SUSD4: variants seen among roughly 807,000 people sequenced by gnomAD.
The protein encoded by SUSD4 is sushi domain-containing protein 4.
Under a neutral mutation model 50.5 loss-of-function variants are expected in SUSD4, and 41 were observed. That is an observed-to-expected ratio of 0.81 (90% confidence interval 0.63 to 1.05). The LOEUF (loss-of-function observed/expected upper bound fraction) is 1.05. Among genes scored for constraint, SUSD4 ranks in the 50% least tolerant of loss-of-function variants. SUSD4 has a pLI of 0.00. For missense variants in SUSD4, 580 were observed against 634.7 expected (o/e 0.91, Z 0.93); for synonymous variants, 257 against 257.3 (o/e 1.00, Z 0.01).
chr1:223,304,793 CATATAT>C (rs57599818), intron 2 of SUSD4, among the ~76,000 whole-genome samples: 6 of 53,584 alleles, frequency 1.1e-4, no homozygotes, highest in East Asian at 5.3e-4. Context: ...CTCAGGTTTC[CATATAT>C]ATATATATAT....
intron 3 of SUSD4, among the ~76,000 whole-genome samples, chr1:223,270,335 G>C (rs1383512698): frequency 6.6e-6 from 1 of 152,122 alleles, no homozygotes; most frequent in Non-Finnish European, 1.5e-5. Flanking sequence ...CACACCTGGC[G>C]AAAGAGTGCC....
At chr1:223,328,340 G>T (rs1375121448) in intron 2 of SUSD4, among the ~76,000 whole-genome samples, 1 of 152,082 alleles carries the variant, frequency 6.6e-6, no homozygotes, top group Non-Finnish European at 1.5e-5. Context: ...CTTGCTTAAG[G>T]TCTCACAGTA....
chr1:223,241,622 T>C (rs1660590436), intron 5 of SUSD4, among the ~76,000 whole-genome samples: 1 of 152,220 alleles, frequency 6.6e-6, no homozygotes, highest in Admixed American at 6.5e-5. Flanking sequence ...GACAGATTGG[T>C]GACTTCCGAA....
chr1:223,292,944 A>T (rs1664593201), intron 2 of SUSD4, among the ~76,000 whole-genome samples: 1 of 152,198 alleles, frequency 6.6e-6, no homozygotes, highest in South Asian at 2.1e-4. Flanking sequence ...GTGCCACAAA[A>T]GATGTACAAA....
chr1:223,264,406 T>TA, intron 5 of SUSD4: 1 of 1,257,984 alleles, frequency 7.9e-7, no homozygotes, highest in African/African-American at 1.5e-5. Context: ...CTTTTTCTTT[T>TA]ATCTGCTCTC....
chr1:223,313,868 A>G (rs1020243595), intron 2 of SUSD4, among the ~76,000 whole-genome samples: 2 of 152,198 alleles, frequency 1.3e-5, no homozygotes, highest in East Asian at 3.8e-4. Context: ...TACAAATGCC[A>G]TGGCAACATC....
At chr1:223,252,670 T>A (rs1251167340) in intron 5 of SUSD4, among the ~76,000 whole-genome samples, 2 of 152,152 alleles carry the variant, frequency 1.3e-5, no homozygotes, top group Non-Finnish European at 2.9e-5. Flanking sequence ...TTACTTGTGA[T>A]AGCTTGAACT....
chr1:223,317,090 G>A (rs1381741047), intron 2 of SUSD4, among the ~76,000 whole-genome samples: 1 of 152,180 alleles, frequency 6.6e-6, no homozygotes, highest in Non-Finnish European at 1.5e-5. Context: ...TTCCCAGATG[G>A]TTAAGGCATT....
chr1:223,314,811 C>T (rs1666086430), intron 2 of SUSD4, among the ~76,000 whole-genome samples: 1 of 152,160 alleles, frequency 6.6e-6, no homozygotes. Context: ...TCCATTAAAC[C>T]TCTTTCTTTT....
intron 2 of SUSD4, among the ~76,000 whole-genome samples, chr1:223,355,379 C>T (rs897418833): frequency 6.6e-6 from 1 of 151,948 alleles, no homozygotes; most frequent in East Asian, 1.9e-4. Flanking sequence ...CGGCCACACC[C>T]AGCTAATTTT....
intron 7 of SUSD4, among the ~76,000 whole-genome samples, chr1:223,225,574 C>T (rs1358735405): frequency 6.6e-6 from 1 of 150,478 alleles, no homozygotes; most frequent in Non-Finnish European, 1.5e-5. Context: ...GTAGTTACTG[C>T]TTACCAGTAG....
chr1:223,290,385 G>A (rs1383301598), intron 3 of SUSD4, among the ~76,000 whole-genome samples: 2 of 152,138 alleles, frequency 1.3e-5, no homozygotes, highest in Non-Finnish European at 2.9e-5. Context: ...TCTACTATCA[G>A]GGCAACACAA....
At chr1:223,243,061 G>C (rs1383398129) in intron 5 of SUSD4, among the ~76,000 whole-genome samples, 1 of 152,044 alleles carries the variant, frequency 6.6e-6, no homozygotes. Context: ...TGTCCCCCTG[G>C]CCAGATGCTC....
intron 5 of SUSD4, among the ~76,000 whole-genome samples, chr1:223,261,690 G>C (rs11486078): frequency 0.19 from 29,509 of 152,158 alleles, 3,509 homozygotes; most frequent in Non-Finnish European, 0.28. Context: ...AATAGCACCT[G>C]AACAACCAAA....
chr1:223,285,480 A>T (rs926356582), intron 3 of SUSD4, among the ~76,000 whole-genome samples: 2 of 152,216 alleles, frequency 1.3e-5, no homozygotes, highest in African/African-American at 4.8e-5. Flanking sequence ...TGTACTGACA[A>T]TATTAATTGT....
chr1:223,347,985 G>T (rs901293546), intron 2 of SUSD4, among the ~76,000 whole-genome samples: 1 of 151,938 alleles, frequency 6.6e-6, no homozygotes, highest in Non-Finnish European at 1.5e-5. Context: ...TTTCCTCATC[G>T]GTAATTAAGG....
At chr1:223,358,820 G>A (rs1668810828) in intron 2 of SUSD4, 1 of 215,442 alleles carries the variant, frequency 4.6e-6, no homozygotes, top group Non-Finnish European at 9.7e-6. Flanking sequence ...TAGAGTTAGA[G>A]GAGCTGGGAC....
chr1:223,320,052 G>C (rs1213028425), intron 2 of SUSD4, among the ~76,000 whole-genome samples: 3 of 152,236 alleles, frequency 2.0e-5, no homozygotes, highest in Admixed American at 1.3e-4. Context: ...GTGCTCCTAA[G>C]AGCTGGCACA....
At chr1:223,267,678 G>A (rs2103080781) in intron 4 of SUSD4, among the ~76,000 whole-genome samples, 1 of 152,118 alleles carries the variant, frequency 6.6e-6, no homozygotes, top group African/African-American at 2.4e-5. Flanking sequence ...TCCAAGAACA[G>A]GGCACCCAAA....
Sources: gnomAD v4.1 joint callset for allele counts (sites outside exome capture counted in the v4.1 genomes callset) on GRCh38, gnomAD v4.1.1 for gene constraint, MANE v1.5 for transcripts, NCBI Gene and HGNC (gene_info 2026-07-23, HGNC 2026-07-21) for gene names.